PTPRM: variants seen among roughly 807,000 people sequenced by gnomAD.
The protein encoded by PTPRM is receptor-type tyrosine-protein phosphatase mu.
A neutral mutation model predicts 186.7 loss-of-function variants in PTPRM; 47 were observed. The observed-to-expected ratio is 0.25, with a 90% CI of 0.20 to 0.32. PTPRM has a LOEUF of 0.32. Among genes scored for constraint, PTPRM ranks in the 10% least tolerant of loss-of-function variants. The probability of loss-of-function intolerance (pLI) is 1.00; values close to 1 mark genes in which losing one functional copy is unlikely to be tolerated. For missense variants in PTPRM, 1,494 were observed against 1,865.0 expected, an observed-to-expected ratio of 0.80 and a Z score of 3.66; for synonymous variants, 668 against 674.9, an observed-to-expected ratio of 0.99 and a Z score of 0.16.
intron 1 of PTPRM, among the ~76,000 whole-genome samples, chr18:7,761,066 G>A (rs951934810): frequency 6.6e-6 from 1 of 152,154 alleles, no homozygotes; most frequent in Admixed American, 6.5e-5. Context: ...AGAGAAAGAC[G>A]TCCCAGCTGT....
chr18:7,751,757 A>G (rs1168408430), intron 1 of PTPRM, among the ~76,000 whole-genome samples: 2 of 152,230 alleles, frequency 1.3e-5, no homozygotes, highest in Non-Finnish European at 2.9e-5. Flanking sequence ...CCTAATATAC[A>G]TCTGGTATAC....
chr18:8,004,399 A>G (rs551636097), intron 7 of PTPRM, among the ~76,000 whole-genome samples: 1 of 152,170 alleles, frequency 6.6e-6, no homozygotes, highest in East Asian at 1.9e-4. Flanking sequence ...GGCAATTCAA[A>G]TGGATAACAT....
At chr18:7,600,705 G>A (rs1217828950) in intron 1 of PTPRM, among the ~76,000 whole-genome samples, 1 of 152,206 alleles carries the variant, frequency 6.6e-6, no homozygotes, top group Non-Finnish European at 1.5e-5. Flanking sequence ...ACTAGCTGCA[G>A]GAGGGAGTAA....
At chr18:7,772,692 G>A (rs2042385764) in intron 1 of PTPRM, among the ~76,000 whole-genome samples, 3 of 151,998 alleles carry the variant, frequency 2.0e-5, no homozygotes, top group African/African-American at 4.8e-5. Flanking sequence ...TAAGCATTTG[G>A]ATAGAAGTTG....
intron 2 of PTPRM, among the ~76,000 whole-genome samples, chr18:7,836,928 G>A (rs1293322215): frequency 6.6e-6 from 1 of 152,020 alleles, no homozygotes; most frequent in Non-Finnish European, 1.5e-5. Context: ...CTTTATCCTC[G>A]ACCTTTGGGA....
intron 14 of PTPRM, among the ~76,000 whole-genome samples, chr18:8,203,384 C>T (rs2093884683): frequency 6.6e-6 from 1 of 152,136 alleles, no homozygotes; most frequent in Non-Finnish European, 1.5e-5. Context: ...TGTAGAACAA[C>T]TGGCTTTCAT....
chr18:7,848,343 G>A (rs970613124), intron 2 of PTPRM, among the ~76,000 whole-genome samples: 12 of 152,188 alleles, frequency 7.9e-5, no homozygotes, highest in Non-Finnish European at 1.3e-4. Flanking sequence ...TGCTTGCTCA[G>A]CCATGCTGGT....
intron 7 of PTPRM, among the ~76,000 whole-genome samples, chr18:7,991,291 A>G (rs973116228): frequency 2.0e-5 from 3 of 152,188 alleles, no homozygotes; most frequent in African/African-American, 7.2e-5. Flanking sequence ...AAGGGACACC[A>G]TGCCTTTAAC....
chr18:7,625,982 C>T (rs538652207), intron 1 of PTPRM, among the ~76,000 whole-genome samples: 24 of 152,304 alleles, frequency 1.6e-4, no homozygotes, highest in African/African-American at 5.5e-4. Flanking sequence ...CCAGCTGAAA[C>T]AGCCGTTTCA....
chr18:7,842,837 T>G (rs1274209820), intron 2 of PTPRM, among the ~76,000 whole-genome samples: 7 of 79,148 alleles, frequency 8.8e-5, no homozygotes, highest in East Asian at 9.2e-4. Context: ...TGTATATATA[T>G]ATATAGAGAG....
At chr18:8,337,167 A>T (rs2095444604) in intron 22 of PTPRM, among the ~76,000 whole-genome samples, 2 of 152,132 alleles carry the variant, frequency 1.3e-5, no homozygotes, top group Admixed American at 6.6e-5. Flanking sequence ...GATCGTCTTT[A>T]TGTATCTCCA....
chr18:7,958,325 C>T (rs918356293), intron 7 of PTPRM, among the ~76,000 whole-genome samples: 1 of 151,754 alleles, frequency 6.6e-6, no homozygotes, highest in African/African-American at 2.4e-5. Context: ...TCTCATAATT[C>T]TCACATTTAT....
At chr18:8,126,027 A>ATATATTTTTTTTTTTTTT (rs57751538) in intron 13 of PTPRM, among the ~76,000 whole-genome samples, 1 of 69,538 alleles carries the variant, frequency 1.4e-5, no homozygotes, top group Non-Finnish European at 2.8e-5. Context: ...ATATATATAT[A>ATATATTTTTTTTTTTTTT]TTTTAAATCA....
At chr18:8,380,245 C>A in intron 28 of PTPRM, 51 bp from the exon 29 acceptor site, 2 of 1,580,924 alleles carry the variant, frequency 1.3e-6, no homozygotes, top group Non-Finnish European at 1.7e-6. Flanking sequence ...CTAGCTTCTT[C>A]TCTTCCCATT....
intron 7 of PTPRM, chr18:8,018,004 T>G (rs1182726231): frequency 1.3e-5 from 2 of 152,196 alleles, no homozygotes; most frequent in African/African-American, 2.4e-5. Context: ...ACTAAAATGT[T>G]ACATGACCCA....
At chr18:7,778,919 C>T (rs1235871072) in intron 2 of PTPRM, among the ~76,000 whole-genome samples, 1 of 152,144 alleles carries the variant, frequency 6.6e-6, no homozygotes, top group Non-Finnish European at 1.5e-5. Context: ...ATAATTATCA[C>T]ATAGATTAAG....
chr18:7,949,109 T>A (rs1017512909), intron 5 of PTPRM, 72 bp from the exon 6 acceptor site: 1 of 1,388,678 alleles, frequency 7.2e-7, no homozygotes, highest in Non-Finnish European at 1.0e-6. Flanking sequence ...TAATATACCA[T>A]TGGGTGTCTG....
At chr18:7,671,397 C>T (rs933340378) in intron 1 of PTPRM, among the ~76,000 whole-genome samples, 1 of 152,172 alleles carries the variant, frequency 6.6e-6, no homozygotes, top group Non-Finnish European at 1.5e-5. Flanking sequence ...CCCTGCCTCT[C>T]CCCCTTTTCT....
At position 8,113,491 on chromosome 18, in the gene PTPRM, A is replaced by G. The variant is rs1344169452; in HGVS notation, c.1862A>G (p.Tyr621Cys). 1 of 1,612,806 alleles carries G rather than the reference A, an allele frequency of 6.2e-7. No individual in the cohort carries two copies. Among genetic ancestry groups the G allele is most frequent in the South Asian group, 1.1e-5 (1 of 91,030 alleles). Residue 621 changes from tyrosine to cysteine, a missense_variant, in exon 12 of 33, where the codon TAT (tyrosine) becomes TGT (cysteine). This residue lies in a region of PTPRM where 1,107 missense variants were observed against 1,350.2 expected (regional missense o/e 0.82). Transcript: ENST00000580170. ...TGGTACTCTTGTTTTTCTAGTGTCT[A>G]TCAAATAGTTGTTGAGGAAGAACGT... ...AHSRGAPVSV[Y>C]QIVVEEERPR...
Sources: gnomAD v4.1 joint callset for allele counts (sites outside exome capture counted in the v4.1 genomes callset) on GRCh38, gnomAD v4.1.1 for gene constraint, gnomAD v4.1.1 regional missense constraint, MANE v1.5 for transcripts, NCBI Gene and HGNC (gene_info 2026-07-23, HGNC 2026-07-21) for gene names.